Variants in ADK observed in about 807,000 individuals in gnomAD.
The protein encoded by ADK is N6,N6-dimethyladenosine kinase.
In ADK, 24 loss-of-function variants were observed where a neutral mutation model predicts 44.7. The observed-to-expected ratio is 0.54, with a 90% confidence interval of 0.39 to 0.76. The LOEUF is 0.76. Ranked by LOEUF, ADK falls within the 30% of genes least tolerant of loss-of-function variation. The probability of loss-of-function intolerance (pLI) is 0.00; values close to 1 mark genes in which losing one functional copy is unlikely to be tolerated. For missense variants in ADK, 321 were observed against 425.1 expected (o/e 0.76, Z 2.15); for synonymous variants, 128 against 142.6 (o/e 0.90, Z 0.73).
At chr10:74,380,316 A>G (rs1220928191) in intron 4 of ADK, among the ~76,000 whole-genome samples, 2 of 152,334 alleles carry the variant, frequency 1.3e-5, no homozygotes, top group South Asian at 2.1e-4. Flanking sequence ...TGAACAAACA[A>G]AATAAATCAT....
intron 4 of ADK, among the ~76,000 whole-genome samples, chr10:74,372,723 T>TA (rs2131979371): frequency 6.6e-6 from 1 of 152,298 alleles, no homozygotes; most frequent in Non-Finnish European, 1.5e-5. Context: ...TGGAAAGACA[T>TA]TAAATGTTGA....
intron 6 of ADK, among the ~76,000 whole-genome samples, chr10:74,486,062 A>G (rs1311658026): frequency 2.6e-5 from 4 of 152,152 alleles, no homozygotes; most frequent in Admixed American, 6.5e-5. Flanking sequence ...TCTCATCTTG[A>G]ATTGTAATCC....
intron 4 of ADK, among the ~76,000 whole-genome samples, chr10:74,374,786 A>T (rs1592120372): frequency 1.3e-5 from 2 of 152,178 alleles, no homozygotes; most frequent in Non-Finnish European, 2.9e-5. Context: ...AATTCACTTT[A>T]GTTTATTTTT....
chr10:74,302,059 TAAAGC>T (rs1564642075), intron 3 of ADK, among the ~76,000 whole-genome samples: 10 of 150,698 alleles, frequency 6.6e-5, no homozygotes, highest in African/African-American at 2.4e-4. Context: ...TACCTTTTTT[TAAAGC>T]TTATTTTTGC....
intron 10 of ADK, among the ~76,000 whole-genome samples, chr10:74,675,494 T>C (rs776610459): frequency 6.6e-6 from 1 of 152,214 alleles, no homozygotes; most frequent in Non-Finnish European, 1.5e-5. Flanking sequence ...TGCCCAGCCC[T>C]GATAGAACTA....
chr10:74,520,492 C>T (rs892829726), intron 6 of ADK, among the ~76,000 whole-genome samples: 1 of 151,572 alleles, frequency 6.6e-6, no homozygotes, highest in Non-Finnish European at 1.5e-5. Context: ...CCCTATTCCT[C>T]ACATAATTGG....
chr10:74,393,440 T>G (rs1843407293), intron 4 of ADK, among the ~76,000 whole-genome samples: 1 of 152,164 alleles, frequency 6.6e-6, no homozygotes, highest in African/African-American at 2.4e-5. Flanking sequence ...AATGAGATAT[T>G]TGTAACTAGA....
chr10:74,509,846 C>T (rs1242794361), intron 6 of ADK, among the ~76,000 whole-genome samples: 1 of 152,132 alleles, frequency 6.6e-6, no homozygotes, highest in Non-Finnish European at 1.5e-5. Flanking sequence ...GTTTAACTTT[C>T]TGTTCCTAAC....
intron 9 of ADK, among the ~76,000 whole-genome samples, chr10:74,666,527 G>A (rs948072694): frequency 2.6e-5 from 4 of 152,062 alleles, no homozygotes; most frequent in East Asian, 1.9e-4. Flanking sequence ...TAAATGCTAC[G>A]AATAATCTTA....
intron 4 of ADK, among the ~76,000 whole-genome samples, chr10:74,365,521 T>C (rs1036596741): frequency 6.6e-6 from 1 of 152,264 alleles, no homozygotes; most frequent in African/African-American, 2.4e-5. Context: ...CATTCATCAA[T>C]TGATGGACAT....
chr10:74,338,228 A>G (rs559654640), intron 4 of ADK, among the ~76,000 whole-genome samples: 1 of 152,372 alleles, frequency 6.6e-6, no homozygotes, highest in African/African-American at 2.4e-5. Flanking sequence ...AGTGCAAATT[A>G]AAACTATAAG....
intron 6 of ADK, among the ~76,000 whole-genome samples, chr10:74,502,216 G>C (rs1209225352): frequency 6.6e-6 from 1 of 151,992 alleles, no homozygotes; most frequent in Non-Finnish European, 1.5e-5. Context: ...ACTACTGCAT[G>C]CTGCTTTATT....
At chr10:74,182,048 T>C (rs1403218329) in intron 1 of ADK, among the ~76,000 whole-genome samples, 1 of 152,136 alleles carries the variant, frequency 6.6e-6, no homozygotes, top group Non-Finnish European at 1.5e-5. Context: ...TCGTGGGGTA[T>C]TTTCCTTCTA....
At chr10:74,397,688 C>G (rs988137599) in intron 5 of ADK, among the ~76,000 whole-genome samples, 9 of 152,042 alleles carry the variant, frequency 5.9e-5, no homozygotes, top group Non-Finnish European at 5.9e-5. Flanking sequence ...TAAGTGTGCA[C>G]CACTACCCCC....
intron 1 of ADK, among the ~76,000 whole-genome samples, chr10:74,153,677 C>T (rs749076304): frequency 1.2e-4 from 19 of 152,230 alleles, no homozygotes; most frequent in Non-Finnish European, 2.2e-4. Context: ...TCCTGTGTTA[C>T]AGACGAGCTA....
chr10:74,324,937 G>A (rs1260242533), intron 4 of ADK, among the ~76,000 whole-genome samples: 1 of 152,158 alleles, frequency 6.6e-6, no homozygotes, highest in Non-Finnish European at 1.5e-5. Context: ...ATAGCATGAT[G>A]TGTCTTTGTC....
In ADK at chr10:74,390,037, A is replaced by G. The variant is rs572251714; in HGVS notation, c.274-4104A>G. Among the ~76,000 whole-genome samples, 197 of 152,278 alleles carry G rather than the reference A, an allele frequency of 1.3e-3. 1 individual carries two copies. Among genetic ancestry groups the G allele is most frequent in the African/African-American group, 4.4e-3 (185 of 41,584 alleles). On this transcript the variant is annotated intron_variant, in intron 4 of 10. Coordinates refer to ENST00000539909, the MANE Select transcript of ADK (RefSeq NM_006721.4). ...GATGACAAATTATTTAAGTAATCAT[A>G]GTAAAAGTTGCTATTGGCTCTGGGT...
At chr10:74,573,313 C>T (rs917252253) in intron 7 of ADK, among the ~76,000 whole-genome samples, 2 of 152,182 alleles carry the variant, frequency 1.3e-5, no homozygotes, top group African/African-American at 2.4e-5. Context: ...GGCTGCAGAA[C>T]AGCAGATTTT....
intron 9 of ADK, among the ~76,000 whole-genome samples, chr10:74,639,574 C>T (rs1332258671): frequency 6.6e-6 from 1 of 152,182 alleles, no homozygotes; most frequent in African/African-American, 2.4e-5. Flanking sequence ...CAGTGGTTCA[C>T]ACCTGTAATC....
Sources: gnomAD v4.1 joint callset for allele counts (sites outside exome capture counted in the v4.1 genomes callset) on GRCh38, gnomAD v4.1.1 for gene constraint, MANE v1.5 for transcripts, NCBI Gene and HGNC (gene_info 2026-07-23, HGNC 2026-07-21) for gene names.